Variants in XPO5 observed in about 807,000 individuals in gnomAD.
XPO5 encodes the protein exportin 5.
A neutral mutation model predicts 160.6 loss-of-function variants in XPO5; 46 were observed. The ratio of observed to expected loss-of-function variants is 0.29; its 90% CI spans 0.23 to 0.37. The LOEUF (loss-of-function observed/expected upper bound fraction) is 0.37, where lower values mean the gene tolerates loss of function less well. Ranked by LOEUF, XPO5 falls within the 10% of genes least tolerant of loss-of-function variation. The pLI is 1.00. For missense variants in XPO5, 1,090 were observed against 1,463.9 expected, an observed-to-expected ratio of 0.74 and a Z score of 4.17; for synonymous variants, 537 against 519.3, an observed-to-expected ratio of 1.03 and a Z score of -0.46.
At chr6:43,530,582 C>G in intron 23 of XPO5, 106 bp downstream of exon 23, 1 of 1,338,296 alleles carries the variant, frequency 7.5e-7, no homozygotes, top group Non-Finnish European at 1.0e-6. Flanking sequence ...ATAATCTCAT[C>G]TCTTCCTTCC....
intron 20 of XPO5, among the ~76,000 whole-genome samples, chr6:43,540,850 A>C (rs1182077204): frequency 6.6e-6 from 1 of 152,142 alleles, no homozygotes; most frequent in Non-Finnish European, 1.5e-5. Context: ...TATTTTTATT[A>C]AGATTTTAAA....
At chr6:43,566,865 A>G (rs1427607985) in intron 7 of XPO5, among the ~76,000 whole-genome samples, 1 of 151,842 alleles carries the variant, frequency 6.6e-6, no homozygotes, top group East Asian at 1.9e-4. Flanking sequence ...GCCACCATCC[A>G]AGATTCCTTG....
At chr6:43,564,580 G>T (rs990943658) in intron 8 of XPO5, among the ~76,000 whole-genome samples, 1 of 151,804 alleles carries the variant, frequency 6.6e-6, no homozygotes, top group African/African-American at 2.4e-5. Context: ...TTAGCTTACT[G>T]TAACTTTTTA....
intron 18 of XPO5, among the ~76,000 whole-genome samples, 187 bp downstream of exon 18, chr6:43,548,074 C>T (rs903387911): frequency 1.3e-5 from 2 of 152,146 alleles, no homozygotes; most frequent in African/African-American, 4.8e-5. Context: ...ACTCTGTGCC[C>T]TCCCCACCCA....
At chr6:43,539,287 C>T in intron 20 of XPO5, 1 of 1,532,192 alleles carries the variant, frequency 6.5e-7, no homozygotes, top group Non-Finnish European at 8.9e-7. Context: ...ACTTAACACC[C>T]AGACCGACGT....
chr6:43,529,264 T>G (rs1291608408), intron 23 of XPO5: 3 of 1,358,536 alleles, frequency 2.2e-6, no homozygotes, highest in Non-Finnish European at 2.9e-6. Context: ...AAAGATTTGC[T>G]GGCTGCGGTG....
At chr6:43,556,283 G>A (rs1762081016) in intron 12 of XPO5, among the ~76,000 whole-genome samples, 1 of 152,100 alleles carries the variant, frequency 6.6e-6, no homozygotes, top group African/African-American at 2.4e-5. Flanking sequence ...TAGCACTTTA[G>A]GAGGCCAAGG....
In XPO5 at chr6:43,550,011, G is replaced by A; in HGVS notation, c.1729-77C>T. The stretch of plus-strand genomic sequence containing the variant: ...AGATCTTGCTATGTTGCCCAGACTA[G>A]ACTTGAATTCCTGGGCTCAACTGAT... On this transcript the variant is annotated intron_variant, in intron 15 of 31. Coordinates refer to ENST00000265351, the MANE Select transcript of XPO5 (RefSeq NM_020750.3). The A allele has an allele frequency of 3.4e-6, 5 of 1,477,514 alleles. No homozygotes were observed. The South Asian group carries it at 6.0e-5, about 18-fold the overall frequency. 91.5% of individuals were successfully genotyped at this position (1,477,514 alleles called of 1,614,324 possible).
chr6:43,575,080 A>G (rs1285120466), intron 1 of XPO5, among the ~76,000 whole-genome samples: 1 of 152,230 alleles, frequency 6.6e-6, no homozygotes, highest in Non-Finnish European at 1.5e-5. Flanking sequence ...CCAAGAGCAG[A>G]GCATTCGGGT....
rs890002111 is a variant in XPO5 at position 43,523,483 on chromosome 6, G to C, written c.*385C>G. On this transcript the variant is annotated 3_prime_UTR_variant, in exon 32 of 32. Coordinates refer to ENST00000265351, the MANE Select transcript of XPO5 (RefSeq NM_020750.3). ...TAGTTGAGGGCTGTGCTCTTGCTGC[G>C]AGCCTTGCTAGTCGCAGGGTTGGGC... is the stretch of plus-strand genomic sequence containing the variant. 3 of 371,530 alleles carry C rather than the reference G, an allele frequency of 8.1e-6. No homozygotes were observed. Among genetic ancestry groups the C allele is most frequent in the Admixed American group, 7.5e-5 (2 of 26,842 alleles). The allele number at this position is 371,530 out of a possible 1,614,324, so 23.0% of individuals were successfully genotyped here. A position where few individuals can be genotyped will look rare whatever the true frequency, so the allele number is the denominator to read the frequency against.
rs1793459459 is a variant in XPO5 at position 43,524,855 on chromosome 6, C to T, written c.3288G>A (p.Leu1096=). The change falls in exon 30 of 32, where the codon CTG becomes CTA. Residue 1096 remains leucine (L), a synonymous_variant. Transcript: ENST00000265351. ...HDGCMASLVH[L]AFQIYEALRP... ...CCAGTGCCTCGTATATCTGGAAGGC[C>T]AGATGGACCAGGGAAGCCATGCACC... is the stretch of plus-strand genomic sequence containing the variant. 1 of 1,613,674 alleles carries T rather than the reference C, an allele frequency of 6.2e-7. No individual in the cohort carries two copies. The highest frequency in any genetic ancestry group is 8.5e-7 in the Non-Finnish European group (1 of 1,179,904).
intron 6 of XPO5, among the ~76,000 whole-genome samples, 172 bp from the exon 7 acceptor site, chr6:43,567,526 A>C (rs973378072): frequency 2.0e-5 from 3 of 152,166 alleles, no homozygotes; most frequent in Non-Finnish European, 4.4e-5. Context: ...TGACATTCTC[A>C]ACATCCAACA....
intron 29 of XPO5, 64 bp from the exon 30 acceptor site, chr6:43,525,032 C>T (rs1036427409): frequency 1.9e-6 from 3 of 1,589,672 alleles, no homozygotes; most frequent in Non-Finnish European, 2.6e-6. Context: ...CACCCCAGTT[C>T]TTCTGAATGA....
chr6:43,572,776 G>T (rs796485384), intron 2 of XPO5, among the ~76,000 whole-genome samples, 198 bp from the exon 3 acceptor site: 1 of 152,288 alleles, frequency 6.6e-6, no homozygotes, highest in African/African-American at 2.4e-5. Flanking sequence ...TTGGGAAAAG[G>T]TTTTATATAT....
chr6:43,562,502 T>G, intron 8 of XPO5, 156 bp from the exon 9 acceptor site: 4 of 620,982 alleles, frequency 6.4e-6, no homozygotes, highest in Middle Eastern at 3.9e-4. Context: ...AAAATCTTTT[T>G]AACTTATTTG....
rs1793785949 is a variant in XPO5 at position 43,529,171 on chromosome 6, A to G, written c.2678-246T>C. 7 of 1,474,688 alleles carry G rather than the reference A, an allele frequency of 4.7e-6. No individual in the cohort carries two copies. In the East Asian group the frequency reaches 2.0e-4, roughly 41 times the overall value. The allele number at this position is 1,474,688 out of a possible 1,614,324, so 91.4% of individuals were successfully genotyped here. The stretch of plus-strand genomic sequence containing the variant: ...GGCTGCACATTATGGTCACTGGCCC[A>G]AAAAGTAGGAATAAAAAAATAGGAA... On this transcript the variant is annotated intron_variant, in intron 23 of 31. Coordinates refer to ENST00000265351, the MANE Select transcript of XPO5 (RefSeq NM_020750.3).
chr6:43,542,116 C>G (rs988747587), intron 20 of XPO5, among the ~76,000 whole-genome samples: 1 of 152,010 alleles, frequency 6.6e-6, no homozygotes, highest in Non-Finnish European at 1.5e-5. Flanking sequence ...TTTATACTTA[C>G]AGTTCATCTC....
chr6:43,544,212 TAGAC>T (rs956894473), intron 20 of XPO5: 1 of 165,846 alleles, frequency 6.0e-6, no homozygotes, highest in Non-Finnish European at 1.3e-5. Flanking sequence ...AATGAAAGGA[TAGAC>T]AGAACAGGTC....
At position 43,558,308 on chromosome 6, in the gene XPO5, G is replaced by A. The variant is rs113483701; in HGVS notation, c.1312+193C>T. On this transcript the variant is annotated intron_variant, in intron 12 of 31. Coordinates refer to ENST00000265351, the MANE Select transcript of XPO5 (RefSeq NM_020750.3). ...TGTCTAAGTGCTGTGGGGGTTTGTG[G>A]TGTAAAACAAAATATTATGCCTGGA... Among the ~76,000 whole-genome samples the A allele has an allele frequency of 0.018, 2,805 of 152,170 alleles. 35 individuals are homozygous for A. Among genetic ancestry groups the A allele is most frequent in the South Asian group, 0.039 (187 of 4,808 alleles).
Sources: allele counts gnomAD v4.1 joint callset (sites outside exome capture counted in the v4.1 genomes callset), GRCh38; gene constraint gnomAD v4.1.1; transcripts MANE v1.5; gene names NCBI Gene and HGNC (gene_info 2026-07-23, HGNC 2026-07-21).